RGS7: variants seen among roughly 807,000 people sequenced by gnomAD.
RGS7 encodes regulator of G protein signaling 7.
A neutral mutation model predicts 81.1 loss-of-function variants in RGS7; 27 were observed. That is an observed-to-expected ratio of 0.33 (90% CI 0.25 to 0.46). The LOEUF (loss-of-function observed/expected upper bound fraction) is 0.46, where lower values mean the gene tolerates loss of function less well. Among genes scored for constraint, RGS7 ranks in the 20% least tolerant of loss-of-function variants. The pLI is 1.00. For synonymous variants in RGS7, 208 were observed against 207.7 expected, an observed-to-expected ratio of 1.00 and a Z score of -0.01; for missense variants, 396 against 607.4, an observed-to-expected ratio of 0.65 and a Z score of 3.66.
At chr1:240,921,569 A>G (rs369938953) in intron 6 of RGS7, among the ~76,000 whole-genome samples, 38 of 152,298 alleles carry the variant, frequency 2.5e-4, no homozygotes, top group African/African-American at 8.9e-4. Flanking sequence ...CTAAGTGATC[A>G]TAGCAAAGTT....
chr1:241,348,164 C>T (rs1329797379), intron 2 of RGS7, among the ~76,000 whole-genome samples: 4 of 152,198 alleles, frequency 2.6e-5, no homozygotes, highest in South Asian at 4.1e-4. Context: ...AGTTACCTCA[C>T]GTGGCTAGTG....
In RGS7 at chr1:241,245,093, AACTT is replaced by A. The variant is rs753443288; in HGVS notation, c.78+110602_78+110605del. On this transcript the variant is annotated intron_variant, in intron 2 of 18. Transcript: ENST00000440928. ...TGCACGTTGTGCACATGTACCCTAAAACTTAAATAATAATAAAAAAGAAAGAAAG... is the reference window on the plus strand; with the variant it reads ...TGCACGTTGTGCACATGTACCCTAAAAAATAATAATAAAAAAGAAAGAAAG... Among the ~76,000 whole-genome samples, 4 of 152,138 alleles carry A rather than the reference AACTT, an allele frequency of 2.6e-5. No homozygotes were observed. The East Asian group carries it at 7.7e-4, about 29-fold the overall frequency.
At chr1:240,939,688 A>C (rs1381288630) in intron 4 of RGS7, among the ~76,000 whole-genome samples, 1 of 152,188 alleles carries the variant, frequency 6.6e-6, no homozygotes, top group Non-Finnish European at 1.5e-5. Context: ...AGCAAGCCAT[A>C]AAGATTCCTC....
At chr1:241,088,331 A>T (rs995162307) in intron 3 of RGS7, among the ~76,000 whole-genome samples, 1 of 151,922 alleles carries the variant, frequency 6.6e-6, no homozygotes, top group East Asian at 1.9e-4. Context: ...GAGGATCAGA[A>T]CACGCCACCA....
At chr1:240,853,767 TGC>T (rs1660546927) in intron 9 of RGS7, among the ~76,000 whole-genome samples, 6 of 151,080 alleles carry the variant, frequency 4.0e-5, no homozygotes, top group African/African-American at 1.5e-4. Flanking sequence ...CCGGGCGTGG[TGC>T]GGGCACCTGT....
chr1:241,335,740 C>G lies in RGS7; in HGVS notation c.78+19959G>C, dbSNP rs140382797. 2.0e-3 allele frequency among the ~76,000 whole-genome samples: 305 copies of G among 152,248 alleles called. 1 individual carries two copies. In the Middle Eastern group the frequency reaches 0.02, roughly 10 times the overall value. ...TGATGTGCTGGTAGATGCTCTTCAT[C>G]AACCAGTTTTCCAGGGGCTGCAGGA... On this transcript the variant is annotated intron_variant, in intron 2 of 18. Coordinates refer to ENST00000440928, the MANE Select transcript of RGS7 (RefSeq NM_001364886.1).
intron 3 of RGS7, among the ~76,000 whole-genome samples, chr1:241,005,745 C>A (rs1055589723): frequency 1.3e-5 from 2 of 152,120 alleles, no homozygotes; most frequent in African/African-American, 4.8e-5. Flanking sequence ...TTACGTTGGC[C>A]AGGCTGGTCT....
rs976724074 is a variant in RGS7 at position 241,206,137 on chromosome 1, T to C, written c.79-107375A>G. Among the ~76,000 whole-genome samples, 4 of 152,128 alleles carry C rather than the reference T, an allele frequency of 2.6e-5. No homozygotes were observed. In the South Asian group the frequency reaches 8.3e-4, roughly 31 times the overall value. The stretch of plus-strand genomic sequence containing the variant: ...CCCTGGTCCCATGGACCATTATTTC[T>C]GGCCTGAACTAATGCAACAGCTTCT... On this transcript the variant is annotated intron_variant, in intron 2 of 18. Coordinates refer to ENST00000440928, the MANE Select transcript of RGS7 (RefSeq NM_001364886.1).
chr1:241,055,560 G>A (rs1050548627), intron 3 of RGS7, among the ~76,000 whole-genome samples: 2 of 152,132 alleles, frequency 1.3e-5, no homozygotes, highest in Non-Finnish European at 2.9e-5. Flanking sequence ...GGATACAGAT[G>A]AACAGCCTGA....
chr1:241,005,884 C>G (rs1484225818), intron 3 of RGS7, among the ~76,000 whole-genome samples: 2 of 152,182 alleles, frequency 1.3e-5, no homozygotes, highest in Non-Finnish European at 2.9e-5. Flanking sequence ...TCATCCATGT[C>G]ATTACCTGTA....
In RGS7 at chr1:240,896,189, T is replaced by C. The variant is rs527811896; in HGVS notation, c.386-26070A>G. The stretch of plus-strand genomic sequence containing the variant: ...TCATAGATTCTGGATATTAGCCCTT[T>C]GTCAGATGGGTAGATTGTAAACATT... On this transcript the variant is annotated intron_variant, in intron 6 of 18. Coordinates refer to ENST00000440928, the MANE Select transcript of RGS7 (RefSeq NM_001364886.1). Among the ~76,000 whole-genome samples the C allele has an allele frequency of 5.7e-3, 869 of 152,346 alleles. 11 individuals carry two copies. The highest frequency in any genetic ancestry group is 0.02 in the African/African-American group (821 of 41,578).
At chr1:241,187,119 A>G (rs1224029307) in intron 2 of RGS7, among the ~76,000 whole-genome samples, 2 of 152,222 alleles carry the variant, frequency 1.3e-5, no homozygotes, top group Non-Finnish European at 2.9e-5. Context: ...GAAAGGACCC[A>G]GTATAAACCT....
intron 2 of RGS7, among the ~76,000 whole-genome samples, chr1:241,254,256 G>C (rs945300703): frequency 6.6e-6 from 1 of 152,014 alleles, no homozygotes; most frequent in South Asian, 2.1e-4. Flanking sequence ...CTGTAAAGGG[G>C]TTAGAAGAAT....
chr1:241,039,374 G>T (rs2060490185), intron 3 of RGS7, among the ~76,000 whole-genome samples: 1 of 152,194 alleles, frequency 6.6e-6, no homozygotes, highest in Non-Finnish European at 1.5e-5. Context: ...CGTTCTGACA[G>T]ATGGCTGCAC....
intron 3 of RGS7, among the ~76,000 whole-genome samples, chr1:241,023,744 A>C (rs1259702204): frequency 7.2e-5 from 11 of 151,980 alleles, no homozygotes. Context: ...ATATTGATTG[A>C]TTGATTGATT....
chr1:241,259,979 G>A (rs2077246997), intron 2 of RGS7, among the ~76,000 whole-genome samples: 1 of 152,038 alleles, frequency 6.6e-6, no homozygotes, highest in African/African-American at 2.4e-5. Flanking sequence ...TTAATTTGTT[G>A]AATCGTCAAG....
chr1:241,132,240 G>A (rs2067151160), intron 2 of RGS7: 1 of 154,724 alleles, frequency 6.5e-6, no homozygotes, highest in Non-Finnish European at 1.5e-5. Context: ...TTTTCCAGGT[G>A]GCCATGCATC....
At chr1:241,212,964 T>A (rs1422711047) in intron 2 of RGS7, among the ~76,000 whole-genome samples, 5 of 152,192 alleles carry the variant, frequency 3.3e-5, no homozygotes, top group Non-Finnish European at 7.3e-5. Context: ...ATCCTTTACA[T>A]CAATCTGAGT....
At chr1:241,248,087 T>A (rs569863850) in intron 2 of RGS7, among the ~76,000 whole-genome samples, 1 of 152,148 alleles carries the variant, frequency 6.6e-6, no homozygotes, top group Admixed American at 6.6e-5. Flanking sequence ...TTTTGCTTCA[T>A]GGATACTGAA....
Sources: allele counts gnomAD v4.1 joint callset (sites outside exome capture counted in the v4.1 genomes callset), GRCh38; gene constraint gnomAD v4.1.1; transcripts MANE v1.5; gene names NCBI Gene and HGNC (gene_info 2026-07-23, HGNC 2026-07-21).